Variants in SHISA9 observed in about 807,000 individuals in gnomAD.
SHISA9 encodes protein shisa-9.
Under a neutral mutation model 38.0 loss-of-function variants are expected in SHISA9, and 13 were observed. The ratio of observed to expected loss-of-function variants is 0.34; its 90% CI spans 0.22 to 0.54. The LOEUF (loss-of-function observed/expected upper bound fraction) is 0.54. Ranked by LOEUF, SHISA9 falls within the 20% of genes least tolerant of loss-of-function variation. The pLI is 0.91. For synonymous variants in SHISA9, 275 were observed against 242.0 expected, an observed-to-expected ratio of 1.14 and a Z score of -1.27; for missense variants, 538 against 575.8, an observed-to-expected ratio of 0.93 and a Z score of 0.67.
the SHISA9 span, among the ~76,000 whole-genome samples, chr16:13,424,939 A>G: frequency 6.6e-6 from 1 of 152,186 alleles, no homozygotes; most frequent in Non-Finnish European, 1.5e-5. Flanking sequence ...CAGGAGAGGA[A>G]AGTGAAATCA....
At chr16:13,115,866 A>C (rs1281448258) in intron 2 of SHISA9, among the ~76,000 whole-genome samples, 1 of 152,194 alleles carries the variant, frequency 6.6e-6, no homozygotes, top group Non-Finnish European at 1.5e-5. Flanking sequence ...CTTATGAACA[A>C]AACCCTTGGA....
At chr16:13,164,475 G>A (rs560289262) in intron 2 of SHISA9, among the ~76,000 whole-genome samples, 9 of 152,076 alleles carry the variant, frequency 5.9e-5, no homozygotes, top group African/African-American at 2.2e-4. Context: ...TTGTATCAGG[G>A]TAATGCTGGC....
chr16:13,336,718 A>G, the SHISA9 span, among the ~76,000 whole-genome samples: 4 of 152,166 alleles, frequency 2.6e-5, no homozygotes, highest in Non-Finnish European at 5.9e-5. Flanking sequence ...GAGGTGGCAT[A>G]TTCAATTTGT....
rs114416641 is a variant in SHISA9 at position 13,081,187 on chromosome 16, G to A, written c.692-122207G>A. On this transcript the variant is annotated intron_variant, in intron 2 of 4. Coordinates refer to ENST00000558583, the MANE Select transcript of SHISA9 (RefSeq NM_001145204.3). ...TTTATTTAATTTAGAAGTTTTTGCT[G>A]TACCTAGGGATGGATAGAAAATGTG... 8.3e-3 allele frequency among the ~76,000 whole-genome samples: 1,258 copies of A among 152,304 alleles called. 15 individuals are homozygous for A. The highest frequency in any genetic ancestry group is 0.027 in the African/African-American group (1,130 of 41,558).
At chr16:13,156,095 T>C (rs1165127181) in intron 2 of SHISA9, among the ~76,000 whole-genome samples, 1 of 152,234 alleles carries the variant, frequency 6.6e-6, no homozygotes, top group Non-Finnish European at 1.5e-5. Flanking sequence ...ATCTGTCTTT[T>C]AATTCACTGT....
chr16:13,388,361 G>C, the SHISA9 span, among the ~76,000 whole-genome samples: 1,587 of 151,158 alleles, frequency 0.01, 16 homozygotes, highest in Middle Eastern at 0.051. Flanking sequence ...GCCTGGGCTG[G>C]AGTGCAGTGG....
chr16:13,218,961 T>C (rs1240068118), intron 4 of SHISA9, among the ~76,000 whole-genome samples: 1 of 152,154 alleles, frequency 6.6e-6, no homozygotes. Flanking sequence ...TGGTTATTGG[T>C]TTGGTCATGA....
the SHISA9 span, among the ~76,000 whole-genome samples, chr16:13,346,793 T>C: frequency 2.0e-5 from 3 of 152,216 alleles, no homozygotes; most frequent in Admixed American, 6.5e-5. Flanking sequence ...CCAGTGGACT[T>C]AATACGTATA....
intron 2 of SHISA9, among the ~76,000 whole-genome samples, chr16:12,999,573 G>A (rs923319335): frequency 5.9e-5 from 9 of 152,266 alleles, no homozygotes; most frequent in East Asian, 1.9e-4. Context: ...AAGATATGAC[G>A]TCATTGAAAA....
the SHISA9 span, among the ~76,000 whole-genome samples, chr16:13,432,841 G>T: frequency 6.6e-6 from 1 of 152,182 alleles, no homozygotes; most frequent in South Asian, 2.1e-4. Flanking sequence ...ACATGTTCTC[G>T]CTTATAAATG....
intron 2 of SHISA9, among the ~76,000 whole-genome samples, chr16:12,937,803 T>A (rs1596538899): frequency 2.0e-5 from 3 of 152,322 alleles, no homozygotes; most frequent in Admixed American, 2.0e-4. Flanking sequence ...GGGTTAGGGT[T>A]TCAACATATG....
At chr16:13,465,027 G>C in the SHISA9 span, among the ~76,000 whole-genome samples, 2 of 152,078 alleles carry the variant, frequency 1.3e-5, no homozygotes, top group African/African-American at 4.8e-5. Context: ...CCAAAGAAAA[G>C]GCTACTATTT....
At chr16:13,041,123 C>T (rs778511648) in intron 2 of SHISA9, among the ~76,000 whole-genome samples, 19 of 152,296 alleles carry the variant, frequency 1.2e-4, no homozygotes, top group Non-Finnish European at 2.6e-4. Context: ...CATGAACCTT[C>T]GCCTCCCAAC....
chr16:13,009,633 A>T (rs997447970), intron 2 of SHISA9, among the ~76,000 whole-genome samples: 1 of 152,200 alleles, frequency 6.6e-6, no homozygotes, highest in African/African-American at 2.4e-5. Context: ...TTGTAATCAG[A>T]GTTTGCAAGA....
rs998100046 is a variant in SHISA9, at chr16:13,238,782, T to C, written c.*3373T>C. 3 of 148,596 alleles carry C rather than the reference T, an allele frequency of 2.0e-5. No individual in the cohort carries two copies. Among genetic ancestry groups the C allele is most frequent in the Non-Finnish European group, 3.0e-5 (2 of 67,374 alleles). 9.2% of individuals were successfully genotyped at this position (148,596 alleles called of 1,614,324 possible). Reference sequence around the variant, plus strand: ...GGAAGTTTGGATAGGGAAGGTCTTTTTATTCTTTTTTTTTTAATGTATCCA... The same window carrying C: ...GGAAGTTTGGATAGGGAAGGTCTTTCTATTCTTTTTTTTTTAATGTATCCA... On this transcript the variant is annotated 3_prime_UTR_variant, in exon 5 of 5. Transcript: ENST00000558583.
At chr16:13,000,789 G>T (rs1406362651) in intron 2 of SHISA9, among the ~76,000 whole-genome samples, 1 of 152,160 alleles carries the variant, frequency 6.6e-6, no homozygotes, top group Non-Finnish European at 1.5e-5. Flanking sequence ...TACCCCCTTG[G>T]CATTTAAACT....
chr16:13,001,041 C>T (rs2072518120), intron 2 of SHISA9, among the ~76,000 whole-genome samples: 1 of 152,278 alleles, frequency 6.6e-6, no homozygotes, highest in African/African-American at 2.4e-5. Flanking sequence ...GATTCTCCTG[C>T]CTCACCCCGC....
the SHISA9 span, among the ~76,000 whole-genome samples, chr16:13,472,903 A>G: frequency 6.6e-6 from 1 of 152,170 alleles, no homozygotes; most frequent in Non-Finnish European, 1.5e-5. Context: ...TGATATCTTG[A>G]ATACAGTTAT....
intron 2 of SHISA9, among the ~76,000 whole-genome samples, chr16:13,002,851 G>T (rs921534258): frequency 6.6e-6 from 1 of 152,084 alleles, no homozygotes; most frequent in Non-Finnish European, 1.5e-5. Context: ...TCTTCATGGC[G>T]CTTGCTGGAG....
Sources: allele counts gnomAD v4.1 joint callset (sites outside exome capture counted in the v4.1 genomes callset), GRCh38; gene constraint gnomAD v4.1.1; transcripts MANE v1.5; gene names NCBI Gene and HGNC (gene_info 2026-07-23, HGNC 2026-07-21).